Variants in SNORC observed in about 807,000 individuals in gnomAD.
The protein encoded by SNORC is protein SNORC.
Under a neutral mutation model 9.7 loss-of-function variants are expected in SNORC, and 11 were observed. The ratio of observed to expected loss-of-function variants is 1.14; its 90% CI spans 0.72 to 1.88. The LOEUF (loss-of-function observed/expected upper bound fraction) is 1.88, where lower values mean the gene tolerates loss of function less well. Among genes scored for constraint, SNORC ranks in the 40% most tolerant of loss-of-function variants. SNORC has a pLI of 0.00. For synonymous variants in SNORC, 108 were observed against 88.7 expected, an observed-to-expected ratio of 1.22 and a Z score of -1.22; for missense variants, 197 against 173.1, an observed-to-expected ratio of 1.14 and a Z score of -0.77.
intron 1 of SNORC, among the ~76,000 whole-genome samples, chr2:232,872,267 C>T (rs1691055092): frequency 6.6e-6 from 1 of 152,164 alleles, no homozygotes; most frequent in South Asian, 2.1e-4. Context: ...CACAGGCCCT[C>T]CCTGTTGGGG....
downstream of SNORC, chr2:232,876,687 C>T (rs1158138462): frequency 1.0e-6 from 1 of 996,450 alleles, no homozygotes; most frequent in Non-Finnish European, 1.2e-6. This position sits in a 1 kb window ranked among gnomAD's most constrained non-coding sequence, Gnocchi z 6.8. Context: ...GCCTCAGGAG[C>T]GCGCCGCATG....
intron 1 of SNORC, chr2:232,875,345 A>AAGAG (rs35523521): frequency 4.8e-6 from 1 of 207,410 alleles, no homozygotes; most frequent in Non-Finnish European, 1.1e-5. Context: ...CTGTTTCAAA[A>AAGAG]AGAGAGAGAG....
downstream of SNORC, chr2:232,876,655 C>G (rs1267759138): frequency 8.9e-6 from 9 of 1,015,800 alleles, no homozygotes; most frequent in Non-Finnish European, 9.4e-6. The surrounding 1 kb of genome is among the most constrained non-coding windows in gnomAD (Gnocchi z 6.8). Flanking sequence ...GGCTCGGCGT[C>G]CCCGTGCACC....
downstream of SNORC, chr2:232,876,528 G>A (rs1352826886): frequency 1.6e-6 from 2 of 1,214,872 alleles, no homozygotes; most frequent in African/African-American, 1.6e-5. This position sits in a 1 kb window ranked among gnomAD's most constrained non-coding sequence, Gnocchi z 6.8. Flanking sequence ...CCGTGCACGC[G>A]CGCGGGTCCG....
downstream of SNORC, chr2:232,877,175 G>T: frequency 2.0e-6 from 2 of 985,618 alleles, no homozygotes; most frequent in South Asian, 4.7e-5. Context: ...GCCCGCCCCT[G>T]CTTCCTACTC....
In SNORC at chr2:232,876,248, G is replaced by A. The variant is rs1473681060; in HGVS notation, c.258G>A (p.Gly86=). 9 of 1,504,944 alleles carry A rather than the reference G, an allele frequency of 6.0e-6. No individual in the cohort carries two copies. Among genetic ancestry groups the A allele is most frequent in the Non-Finnish European group, 7.9e-6 (9 of 1,132,600 alleles). 93.2% of individuals were successfully genotyped at this position (1,504,944 alleles called of 1,614,324 possible). Residue 86 remains glycine, a splice_region_variant and synonymous_variant, in exon 3 of 3, where the codon GGG becomes GGA. Coordinates refer to ENST00000331342, the Ensembl canonical transcript of SNORC. The surrounding 1 kb of genome is among the most constrained non-coding windows in gnomAD (Gnocchi z 6.8). ...GACATGGTCCTCCGTCCTCCGCAGG[G>A]TCGCTGGGGCCCGGCGCTATCGCGG... is the stretch of plus-strand genomic sequence containing the variant.
chr2:232,870,550 G>A, intron 1 of SNORC, 136 bp downstream of exon 1: 1 of 854,238 alleles, frequency 1.2e-6, no homozygotes, highest in Admixed American at 2.6e-5. Context: ...GGGTGATTCT[G>A]CGAAGAGCTC....
At chr2:232,874,499 T>TACAAA (rs1691144162) in intron 1 of SNORC, among the ~76,000 whole-genome samples, 2 of 152,266 alleles carry the variant, frequency 1.3e-5, no homozygotes, top group Non-Finnish European at 2.9e-5. Context: ...GGCCTTTCTT[T>TACAAA]GTTTTTCCTA....
upstream of SNORC, among the ~76,000 whole-genome samples, chr2:232,868,020 C>G (rs1262887964): frequency 1.3e-5 from 2 of 152,170 alleles, no homozygotes; most frequent in Non-Finnish European, 2.9e-5. Flanking sequence ...CAAGTGAGAA[C>G]CTTGATGCTC....
At chr2:232,874,195 CTT>C (rs1448539533) in intron 1 of SNORC, among the ~76,000 whole-genome samples, 1 of 152,266 alleles carries the variant, frequency 6.6e-6, no homozygotes, top group Non-Finnish European at 1.5e-5. Flanking sequence ...TCCACCTAGT[CTT>C]GCCAACTGCC....
downstream of SNORC, chr2:232,876,545 CG>C: frequency 8.4e-7 from 1 of 1,191,598 alleles, no homozygotes; most frequent in Non-Finnish European, 1.0e-6. This position sits in a 1 kb window ranked among gnomAD's most constrained non-coding sequence, Gnocchi z 6.8. Context: ...TCCGGAGGCG[CG>C]CCCGAATTCC....
downstream of SNORC, chr2:232,876,831 C>T: frequency 2.0e-6 from 2 of 985,604 alleles, no homozygotes; most frequent in Non-Finnish European, 2.4e-6. The surrounding 1 kb of genome is among the most constrained non-coding windows in gnomAD (Gnocchi z 6.8). Context: ...GGCGCCGCCT[C>T]CTCTGCCTGG....
At chr2:232,875,797 CTGGGAAA>C in intron 1 of SNORC, 136 bp from the exon 2 acceptor site, 1 of 905,436 alleles carries the variant, frequency 1.1e-6, no homozygotes, top group Non-Finnish European at 1.6e-6. Flanking sequence ...GCTTCTTAGC[CTGGGAAA>C]TGTGAGGGCT....
intron 1 of SNORC, among the ~76,000 whole-genome samples, chr2:232,872,818 T>A (rs555895271): frequency 7.3e-6 from 1 of 137,656 alleles, no homozygotes; most frequent in South Asian, 2.3e-4. Flanking sequence ...TCAGCTTTGC[T>A]TTCCCTTCTT....
At chr2:232,877,302 C>T (rs1406970600), downstream of SNORC, 3 of 985,376 alleles carry the variant, frequency 3.0e-6, no homozygotes, top group East Asian at 1.1e-4. Flanking sequence ...AGAGTCGGGG[C>T]GGAGTGAGGG....
intron 1 of SNORC, among the ~76,000 whole-genome samples, 174 bp downstream of exon 1, chr2:232,870,588 T>A (rs1434612903): frequency 6.6e-6 from 1 of 152,144 alleles, no homozygotes; most frequent in Non-Finnish European, 1.5e-5. Flanking sequence ...AGCAGCTGTG[T>A]GGGATGGACG....
rs530707301 is a variant in SNORC, at chr2:232,876,235, C to G, written c.257-12C>G. ...GGGGCTAGCAGGTGACATGGTCCTC[C>G]GTCCTCCGCAGGGTCGCTGGGGCCC... On this transcript the variant is annotated splice_polypyrimidine_tract_variant and intron_variant, in intron 2 of 2. Coordinates refer to ENST00000331342, the Ensembl canonical transcript of SNORC. The surrounding 1 kb of genome is among the most constrained non-coding windows in gnomAD (Gnocchi z 6.8). 72 of 1,499,470 alleles carry G rather than the reference C, an allele frequency of 4.8e-5. No individual in the cohort carries two copies. The South Asian group carries it at 8.4e-4, about 17-fold the overall frequency. 92.9% of individuals were successfully genotyped at this position (1,499,470 alleles called of 1,614,324 possible).
At position 232,876,061 on chromosome 2, in the gene SNORC, C is replaced by T. The variant is rs780024731; in HGVS notation, c.195C>T (p.Ala65=). 2.1e-5 allele frequency: 33 copies of T among 1,537,376 alleles called. No homozygotes were observed. In the East Asian group the frequency reaches 7.4e-4, roughly 34 times the overall value. ...AGCCCGTGGACACCGGTCCCCCAGC[C>T]CCCACCGTCGCGCCAGGACCCGAGG... Residue 65 remains alanine, a synonymous_variant, in exon 2 of 3, where the codon GCC becomes GCT. Transcript: ENST00000331342. The surrounding 1 kb of genome is among the most constrained non-coding windows in gnomAD (Gnocchi z 6.8).
chr2:232,876,379 G>A lies in SNORC; in HGVS notation c.*23G>A. 2.0e-6 allele frequency: 3 copies of A among 1,514,638 alleles called. No individual in the cohort carries two copies. The highest frequency in any genetic ancestry group is 2.6e-6 in the Non-Finnish European group (3 of 1,137,272). The allele number at this position is 1,514,638 out of a possible 1,614,324, so 93.8% of individuals were successfully genotyped here. ...TGAAGCGAATAAAGGGGCCGCGCCC[G>A]GCCGCGGCGCGACTCGGCTGCACTC... On this transcript the variant is annotated 3_prime_UTR_variant, in exon 3 of 3. Coordinates refer to ENST00000331342, the Ensembl canonical transcript of SNORC. The surrounding 1 kb of genome is among the most constrained non-coding windows in gnomAD (Gnocchi z 6.8).
Sources: allele counts gnomAD v4.1 joint callset (sites outside exome capture counted in the v4.1 genomes callset), GRCh38; gene constraint gnomAD v4.1.1; non-coding constraint Gnocchi (gnomAD v3.1); transcripts MANE v1.5; gene names NCBI Gene and HGNC (gene_info 2026-07-23, HGNC 2026-07-21).